The following NDUFAF2 variants were observed in gnomAD, a reference collection of about 807,000 sequenced individuals.
NDUFAF2 encodes the protein NADH dehydrogenase [ubiquinone] 1 alpha subcomplex assembly factor 2.
NDUFAF2 carries 13 observed loss-of-function variants against 22.8 expected under a neutral mutation model. That is an observed-to-expected ratio of 0.57 (90% CI 0.37 to 0.91). The LOEUF (loss-of-function observed/expected upper bound fraction) is 0.91, where lower values mean the gene tolerates loss of function less well. Ranked by LOEUF, NDUFAF2 falls within the 40% of genes least tolerant of loss-of-function variation. The pLI, the probability that NDUFAF2 is intolerant of heterozygous loss-of-function variation, is 0.01. For missense variants in NDUFAF2, 162 were observed against 195.2 expected (o/e 0.83, Z 1.01); for synonymous variants, 53 against 64.2 (o/e 0.83, Z 0.84).
intron 1 of NDUFAF2, among the ~76,000 whole-genome samples, chr5:61,015,867 A>G (rs1481854769): frequency 6.6e-6 from 1 of 152,180 alleles, no homozygotes; most frequent in East Asian, 1.9e-4. Flanking sequence ...TAACAATTAG[A>G]TGTGTGGCTA....
At chr5:61,065,218 C>T (rs1000780400) in intron 1 of NDUFAF2, among the ~76,000 whole-genome samples, 2 of 151,900 alleles carry the variant, frequency 1.3e-5, no homozygotes, top group African/African-American at 4.8e-5. Context: ...AGAAAACCCC[C>T]CAACAAAGAA....
intron 3 of NDUFAF2, among the ~76,000 whole-genome samples, chr5:61,149,132 G>A (rs1344722698): frequency 6.6e-6 from 1 of 152,062 alleles, no homozygotes; most frequent in Non-Finnish European, 1.5e-5. Flanking sequence ...CACCACACCT[G>A]GCTAATTTGT....
chr5:61,137,368 A>G (rs934115385), intron 3 of NDUFAF2, among the ~76,000 whole-genome samples: 2 of 152,350 alleles, frequency 1.3e-5, no homozygotes, highest in Non-Finnish European at 2.9e-5. Flanking sequence ...TGAACTATAC[A>G]TATTCCTGGC....
chr5:61,132,781 C>T (rs1314022906), intron 3 of NDUFAF2, among the ~76,000 whole-genome samples: 1 of 152,102 alleles, frequency 6.6e-6, no homozygotes, highest in Non-Finnish European at 1.5e-5. Context: ...TAGTGCTATT[C>T]ACATTGCCTG....
At chr5:61,038,088 AAG>A (rs138511749) in intron 1 of NDUFAF2, among the ~76,000 whole-genome samples, 14,002 of 77,492 alleles carry the variant, frequency 0.18, 1,161 homozygotes, top group South Asian at 0.31. Context: ...GAGGCGGGGG[AAG>A]AGAGAGAGAG....
intron 1 of NDUFAF2, among the ~76,000 whole-genome samples, chr5:61,070,806 C>T (rs1752287775): frequency 6.6e-6 from 1 of 152,082 alleles, no homozygotes; most frequent in Non-Finnish European, 1.5e-5. Flanking sequence ...TCTATCCTCT[C>T]CCCATGTGCT....
At chr5:60,996,480 T>C (rs2112588416) in intron 1 of NDUFAF2, among the ~76,000 whole-genome samples, 1 of 152,156 alleles carries the variant, frequency 6.6e-6, no homozygotes, top group Non-Finnish European at 1.5e-5. Flanking sequence ...GGGGTCTATT[T>C]TGGAGCAGGG....
intron 1 of NDUFAF2, among the ~76,000 whole-genome samples, chr5:61,057,935 T>C (rs1752118912): frequency 6.6e-6 from 1 of 152,180 alleles, no homozygotes. Flanking sequence ...AGTAATTTCA[T>C]GGATTAATAA....
intron 2 of NDUFAF2, among the ~76,000 whole-genome samples, chr5:61,091,864 A>C (rs997249402): frequency 6.6e-6 from 1 of 152,064 alleles, no homozygotes; most frequent in African/African-American, 2.4e-5. Flanking sequence ...TCTTGAGTTA[A>C]TTTTTGTGTG....
chr5:61,006,330 T>C (rs1241352876), intron 1 of NDUFAF2, among the ~76,000 whole-genome samples: 1 of 152,206 alleles, frequency 6.6e-6, no homozygotes. Context: ...TACCATTCTG[T>C]TTTGGTTACT....
intron 1 of NDUFAF2, among the ~76,000 whole-genome samples, chr5:60,962,199 A>AT (rs1156518405): frequency 6.6e-6 from 1 of 151,068 alleles, no homozygotes. Context: ...ACAAGTACTG[A>AT]TTTTTTTAAC....
At chr5:61,027,974 A>G (rs560564090) in intron 1 of NDUFAF2, among the ~76,000 whole-genome samples, 4 of 152,180 alleles carry the variant, frequency 2.6e-5, no homozygotes, top group African/African-American at 7.2e-5. Flanking sequence ...AATAAACAAC[A>G]CAAAGCCTTC....
chr5:61,103,934 A>G (rs1382570445), intron 3 of NDUFAF2, among the ~76,000 whole-genome samples: 1 of 152,104 alleles, frequency 6.6e-6, no homozygotes, highest in Non-Finnish European at 1.5e-5. Flanking sequence ...TATTCAATAA[A>G]TTACATGAGA....
intron 1 of NDUFAF2, 149 bp downstream of exon 1, chr5:60,945,531 G>A (rs1202085395): frequency 1.2e-5 from 14 of 1,190,092 alleles, no homozygotes; most frequent in East Asian, 2.5e-5. Flanking sequence ...CTCCCCTGTC[G>A]ACCCCTTCAC....
At chr5:61,043,500 C>G (rs923470283) in intron 1 of NDUFAF2, among the ~76,000 whole-genome samples, 1 of 152,122 alleles carries the variant, frequency 6.6e-6, no homozygotes, top group Non-Finnish European at 1.5e-5. Flanking sequence ...CCCTCACCCA[C>G]AGTTTCTGGT....
At chr5:61,042,485 CT>C (rs1260637837) in intron 1 of NDUFAF2, among the ~76,000 whole-genome samples, 6 of 152,138 alleles carry the variant, frequency 3.9e-5, no homozygotes, top group African/African-American at 1.4e-4. Flanking sequence ...TTTATATTGA[CT>C]TTATATGCAT....
chr5:61,082,361 A>C (rs1446479627), intron 2 of NDUFAF2, among the ~76,000 whole-genome samples: 1 of 152,064 alleles, frequency 6.6e-6, no homozygotes, highest in African/African-American at 2.4e-5. Flanking sequence ...GCCTCTTAAG[A>C]AGTTGGGACT....
intron 1 of NDUFAF2, among the ~76,000 whole-genome samples, chr5:60,996,086 GA>G (rs1324029138): frequency 6.6e-6 from 1 of 152,070 alleles, no homozygotes; most frequent in Non-Finnish European, 1.5e-5. Flanking sequence ...TGCCATCCAA[GA>G]GCCAAGTCAT....
At chr5:60,967,302 T>G (rs894303184) in intron 1 of NDUFAF2, among the ~76,000 whole-genome samples, 11 of 152,022 alleles carry the variant, frequency 7.2e-5, no homozygotes, top group African/African-American at 2.7e-4. Context: ...CAGTGTAACA[T>G]CTTCCTTTCT....
Sources: gnomAD v4.1 joint callset for allele counts (sites outside exome capture counted in the v4.1 genomes callset) on GRCh38, gnomAD v4.1.1 for gene constraint, MANE v1.5 for transcripts, NCBI Gene and HGNC (gene_info 2026-07-23, HGNC 2026-07-21) for gene names.